The following GRIN2A variants were observed in gnomAD, a reference collection of about 807,000 sequenced individuals.
The protein encoded by GRIN2A is glutamate receptor ionotropic, NMDA 2A.
In GRIN2A, 22 loss-of-function variants were observed where a neutral mutation model predicts 113.4. That is an observed-to-expected ratio of 0.19 (90% CI 0.14 to 0.28). The LOEUF (loss-of-function observed/expected upper bound fraction) is 0.28, where lower values mean the gene tolerates loss of function less well. Ranked by LOEUF, GRIN2A falls within the 10% of genes least tolerant of loss-of-function variation. The probability of loss-of-function intolerance (pLI) is 1.00; values close to 1 mark genes in which losing one functional copy is unlikely to be tolerated. For synonymous variants in GRIN2A, 827 were observed against 738.4 expected (o/e 1.12, Z -1.94); for missense variants, 1,502 against 1,887.0 (o/e 0.80, Z 3.78).
intron 10 of GRIN2A, among the ~76,000 whole-genome samples, chr16:9,807,109 T>C (rs2041986460): frequency 6.6e-6 from 1 of 150,488 alleles, no homozygotes. Context: ...ACATGGAACT[T>C]TGAGTCCATT....
chr16:10,169,426 T>C (rs1397210965), intron 2 of GRIN2A, among the ~76,000 whole-genome samples: 1 of 152,204 alleles, frequency 6.6e-6, no homozygotes, highest in Non-Finnish European at 1.5e-5. Flanking sequence ...TCTATCATTG[T>C]TGTTTGAGCA....
At chr16:9,915,232 G>T (rs1345920846) in intron 3 of GRIN2A, among the ~76,000 whole-genome samples, 1 of 151,656 alleles carries the variant, frequency 6.6e-6, no homozygotes, top group Non-Finnish European at 1.5e-5. Flanking sequence ...CACCACTCCC[G>T]GCCAACTATA....
intron 2 of GRIN2A, among the ~76,000 whole-genome samples, chr16:10,082,856 C>G (rs2048010054): frequency 6.6e-6 from 1 of 152,218 alleles, no homozygotes; most frequent in Non-Finnish European, 1.5e-5. Context: ...AAACTAGCAC[C>G]AGACATTCTC....
At chr16:10,073,191 A>G (rs960099735) in intron 2 of GRIN2A, among the ~76,000 whole-genome samples, 6 of 151,998 alleles carry the variant, frequency 3.9e-5, no homozygotes, top group Non-Finnish European at 7.4e-5. Flanking sequence ...CCTGACCTCA[A>G]ATGATTCACT....
intron 2 of GRIN2A, among the ~76,000 whole-genome samples, chr16:9,980,910 G>A (rs1029648213): frequency 2.0e-5 from 3 of 151,488 alleles, no homozygotes; most frequent in Non-Finnish European, 4.4e-5. Flanking sequence ...AATGGGTGCA[G>A]CACACCAACA....
rs1044720000 is a variant in GRIN2A, at chr16:10,116,741, T to C, written c.414+63257A>G. 2.0e-5 allele frequency among the ~76,000 whole-genome samples: 3 copies of C among 152,204 alleles called. No individual in the cohort carries two copies. In the East Asian group the frequency reaches 5.8e-4, roughly 29 times the overall value. ...CCCCACAAGGGCCCTCCAATAACAGTGTAGGACACACCTCATTACTGTCTC... is the reference window on the plus strand; with the variant it reads ...CCCCACAAGGGCCCTCCAATAACAGCGTAGGACACACCTCATTACTGTCTC... On this transcript the variant is annotated intron_variant, in intron 2 of 12. Transcript: ENST00000330684.
In GRIN2A at chr16:9,778,089, A is replaced by G. The variant is rs1384633140; in HGVS notation, c.2357-9000T>C. Among the ~76,000 whole-genome samples the G allele has an allele frequency of 3.9e-5, 6 of 152,128 alleles. No homozygotes were observed. In the East Asian group the frequency reaches 5.8e-4, roughly 15 times the overall value. On this transcript the variant is annotated intron_variant, in intron 11 of 12. Coordinates refer to ENST00000330684, the MANE Select transcript of GRIN2A (RefSeq NM_001134407.3). ...AAAAACAACAACAACAAAAAACCCA[A>G]CTACAACTTGTGCAGCTTCCCAACC... is the stretch of plus-strand genomic sequence containing the variant.
chr16:9,940,475 C>T (rs1047336647), intron 2 of GRIN2A, among the ~76,000 whole-genome samples: 3 of 152,192 alleles, frequency 2.0e-5, no homozygotes, highest in Non-Finnish European at 2.9e-5. Context: ...TTTTAAATCA[C>T]ATCTCAACAA....
chr16:10,067,682 G>A (rs1340281599), intron 2 of GRIN2A, among the ~76,000 whole-genome samples: 3 of 152,118 alleles, frequency 2.0e-5, no homozygotes, highest in Non-Finnish European at 4.4e-5. Flanking sequence ...AAGCAGATGG[G>A]AGGCTGAGAT....
chr16:9,791,087 T>A (rs1047087578), intron 11 of GRIN2A, among the ~76,000 whole-genome samples: 3 of 152,186 alleles, frequency 2.0e-5, no homozygotes, highest in Admixed American at 1.3e-4. Context: ...AAGAAATTAA[T>A]TTGCCCCAGG....
intron 11 of GRIN2A, among the ~76,000 whole-genome samples, chr16:9,780,049 C>T (rs879384953): frequency 6.6e-6 from 1 of 152,184 alleles, no homozygotes; most frequent in African/African-American, 2.4e-5. Flanking sequence ...CAACAGCCAA[C>T]CACACAGCCA....
intron 2 of GRIN2A, among the ~76,000 whole-genome samples, chr16:10,017,848 A>C (rs111386086): frequency 6.3e-5 from 1 of 15,804 alleles, no homozygotes; most frequent in South Asian, 1.6e-3. Context: ...ATCAAAATTT[A>C]AATAAAGACA....
intron 2 of GRIN2A, among the ~76,000 whole-genome samples, chr16:10,113,510 A>G (rs932078123): frequency 1.3e-5 from 2 of 152,180 alleles, no homozygotes; most frequent in African/African-American, 4.8e-5. Flanking sequence ...CCCTCTCCTC[A>G]GCTGCAGTTG....
intron 2 of GRIN2A, among the ~76,000 whole-genome samples, chr16:9,998,975 T>A (rs1375863510): frequency 1.3e-5 from 2 of 152,156 alleles, no homozygotes; most frequent in African/African-American, 4.8e-5. Flanking sequence ...GAATCCTTAT[T>A]TCTTTAGTCA....
chr16:10,025,474 C>A (rs1189524595), intron 2 of GRIN2A, among the ~76,000 whole-genome samples: 1 of 151,312 alleles, frequency 6.6e-6, no homozygotes, highest in Non-Finnish European at 1.5e-5. Context: ...ACTATTTTTT[C>A]TTTTTTTTGG....
chr16:10,008,866 G>A (rs2046452459), intron 2 of GRIN2A, among the ~76,000 whole-genome samples: 1 of 152,214 alleles, frequency 6.6e-6, no homozygotes, highest in Admixed American at 6.5e-5. Context: ...AAAGCAAGGT[G>A]TAGAACAGAG....
chr16:10,019,210 T>G (rs764837017), intron 2 of GRIN2A, among the ~76,000 whole-genome samples: 2 of 152,164 alleles, frequency 1.3e-5, no homozygotes, highest in Non-Finnish European at 2.9e-5. Flanking sequence ...AGTACCTTCA[T>G]GTGTGGCGAG....
intron 5 of GRIN2A, among the ~76,000 whole-genome samples, chr16:9,846,720 G>T (rs1330091855): frequency 6.6e-6 from 1 of 152,188 alleles, no homozygotes; most frequent in Non-Finnish European, 1.5e-5. Context: ...AGGTACTGTG[G>T]AAGTAGGAAG....
chr16:10,035,782 G>A (rs1269641993), intron 2 of GRIN2A, among the ~76,000 whole-genome samples: 1 of 150,820 alleles, frequency 6.6e-6, no homozygotes, highest in Non-Finnish European at 1.5e-5. Flanking sequence ...GGAGTGCAGT[G>A]GTATGATCTT....
Sources: gnomAD v4.1 joint callset for allele counts (sites outside exome capture counted in the v4.1 genomes callset) on GRCh38, gnomAD v4.1.1 for gene constraint, MANE v1.5 for transcripts, NCBI Gene and HGNC (gene_info 2026-07-23, HGNC 2026-07-21) for gene names.